MRPL40: variants seen among roughly 807,000 people sequenced by gnomAD.
The protein encoded by MRPL40 is mitochondrial ribosomal protein L40.
Under a neutral mutation model 24.5 loss-of-function variants are expected in MRPL40, and 18 were observed. That is an observed-to-expected ratio of 0.73 (90% CI 0.51 to 1.09). The LOEUF is 1.09. MRPL40 is among the 50% of genes least tolerant of loss of function. The pLI, the probability that MRPL40 is intolerant of heterozygous loss-of-function variation, is 0.00. For synonymous variants in MRPL40, 108 were observed against 94.6 expected (o/e 1.14, Z -0.82); for missense variants, 256 against 243.8 (o/e 1.05, Z -0.33).
intron 2 of MRPL40, among the ~76,000 whole-genome samples, chr22:19,433,903 C>T (rs1255303561): frequency 1.3e-5 from 2 of 152,026 alleles, no homozygotes; most frequent in Non-Finnish European, 2.9e-5. Context: ...GCTGGGATTA[C>T]AGGCGCCCAC....
Position 19,433,367 on chromosome 22 carries a change from C to T in MRPL40, c.137+19C>T. The T allele has an allele frequency of 1.3e-6, 2 of 1,487,086 alleles. No individual in the cohort carries two copies. Among genetic ancestry groups the T allele is most frequent in the Non-Finnish European group, 1.9e-6 (2 of 1,064,754 alleles). 92.1% of individuals were successfully genotyped at this position (1,487,086 alleles called of 1,614,324 possible). A position where few individuals can be genotyped will look rare whatever the true frequency, so the allele number is the denominator to read the frequency against. Reference sequence around the variant, plus strand: ...CCATGAGGTAAAACTCAATCGAGGGCCTGACCTCTGGGGGTAAAGGTGTCA... The same window carrying T: ...CCATGAGGTAAAACTCAATCGAGGGTCTGACCTCTGGGGGTAAAGGTGTCA... On this transcript the variant is annotated intron_variant, in intron 2 of 3. Transcript: ENST00000333130.
chr22:19,435,492 C>A, intron 3 of MRPL40, 146 bp from the exon 4 acceptor site: 1 of 755,394 alleles, frequency 1.3e-6, no homozygotes, highest in Non-Finnish European at 2.2e-6. Flanking sequence ...GCAGCTGCAG[C>A]CACATTCAAC....
In MRPL40 at chr22:19,432,567, G is replaced by C. The variant is rs199863614; in HGVS notation, c.13G>C (p.Val5Leu). The change falls in exon 1 of 4, where the codon GTG becomes CTG. Residue 5 changes from valine to leucine, a missense_variant. Coordinates refer to ENST00000333130, the MANE Select transcript of MRPL40 (RefSeq NM_003776.4). ...GGCGAGGGTAGCCATGACGGCCTCC[G>C]TGCTGCGAAGTATCTCGCTAGCCCT... MTAS[V>L]LRSISLALRP... The C allele has an allele frequency of 8.4e-5, 131 of 1,551,704 alleles. No individual in the cohort carries two copies. The African/African-American group carries it at 1.7e-3, about 20-fold the overall frequency.
rs776170591 is a variant in MRPL40 at position 19,435,960 on chromosome 22, T to C, written c.619T>C (p.Ter207GlnextTer12). ...KVYTQVEFKR* is the reference protein window; with the variant it reads ...KVYTQVEFKRQ ...GTACACACAAGTGGAGTTTAAGAGA[T>C]AGACTTGCAGGCTGCTATCCTTAAC... is the stretch of plus-strand genomic sequence containing the variant. Residue 207 changes from the stop codon to glutamine, a stop_lost, in exon 4 of 4, where the codon TAG (stop) becomes CAG (glutamine). Coordinates refer to ENST00000333130, the MANE Select transcript of MRPL40 (RefSeq NM_003776.4). The C allele has an allele frequency of 1.9e-6, 3 of 1,611,078 alleles. No individual in the cohort carries two copies. Among genetic ancestry groups the C allele is most frequent in the South Asian group, 1.1e-5 (1 of 90,854 alleles).
intron 2 of MRPL40, among the ~76,000 whole-genome samples, chr22:19,434,342 C>T (rs368034702): frequency 4.1e-4 from 62 of 150,842 alleles, no homozygotes; most frequent in African/African-American, 1.3e-3. Context: ...CCTGCCTCAG[C>T]TTCCCGAGAA....
intron 2 of MRPL40, among the ~76,000 whole-genome samples, chr22:19,433,919 C>T (rs971309818): frequency 3.3e-5 from 5 of 152,066 alleles, no homozygotes; most frequent in East Asian, 1.9e-4. Context: ...CCCACTACCA[C>T]GCCCGGCTAA....
chr22:19,433,767 TTTC>T (rs1398808529), intron 2 of MRPL40, among the ~76,000 whole-genome samples: 1 of 150,436 alleles, frequency 6.6e-6, no homozygotes, highest in Non-Finnish European at 1.5e-5. Context: ...GGATTTGATT[TTTC>T]TTTTTTTTTT....
At chr22:19,433,801 C>T (rs1190031379) in intron 2 of MRPL40, among the ~76,000 whole-genome samples, 1 of 151,890 alleles carries the variant, frequency 6.6e-6, no homozygotes, top group African/African-American at 2.4e-5. Flanking sequence ...CTCACTGTGT[C>T]ACCCAGGCTG....
chr22:19,434,643 T>C (rs1036724024), intron 2 of MRPL40, 93 bp from the exon 3 acceptor site: 5 of 1,014,188 alleles, frequency 4.9e-6, no homozygotes, highest in Admixed American at 5.7e-5. Context: ...CTTCCCCCAG[T>C]GGAGAGGTCA....
chr22:19,435,997 G>GGTCATTCCTACTCTCAGGGGC lies in MRPL40; in HGVS notation c.*35_*36insGTCATTCCTACTCTCAGGGGC. The GGTCATTCCTACTCTCAGGGGC allele has an allele frequency of 6.5e-7, 1 of 1,549,534 alleles. No individual in the cohort carries two copies. The highest frequency in any genetic ancestry group is 8.8e-7 in the Non-Finnish European group (1 of 1,130,866). ...CTGCTATCCTTAACATGCTGCCCCT[G>GGTCATTCCTACTCTCAGGGGC]AGAGTAGGAATGACCAGGGTTCAAG... On this transcript the variant is annotated 3_prime_UTR_variant, in exon 4 of 4. Coordinates refer to ENST00000333130, the MANE Select transcript of MRPL40 (RefSeq NM_003776.4).
chr22:19,434,985 T>C, intron 3 of MRPL40, 91 bp downstream of exon 3: 1 of 1,168,976 alleles, frequency 8.6e-7, no homozygotes, highest in Non-Finnish European at 1.2e-6. Context: ...CCTGTGATAG[T>C]CATTGGTCAG....
At position 19,434,284 on chromosome 22, in the gene MRPL40, G is replaced by A. The variant is rs181476299; in HGVS notation, c.138-452G>A. ...GTTACCCAAGCTGGAGTGCAGTGGC[G>A]CGATCTTGTCCTACTGCAACCTCCG... On this transcript the variant is annotated intron_variant, in intron 2 of 3. Transcript: ENST00000333130. Among the ~76,000 whole-genome samples, 34 of 143,366 alleles carry A rather than the reference G, an allele frequency of 2.4e-4. No homozygotes were observed. The East Asian group carries it at 5.1e-3, about 21-fold the overall frequency. 94.1% of individuals were successfully genotyped at this position (143,366 alleles called of 152,430 possible).
At position 19,433,292 on chromosome 22, in the gene MRPL40, TAG is replaced by T; in HGVS notation, c.87_88del (p.Glu29AspfsTer30). ...GLLGTWQTQL[R>X]ETHQRASLLS... Reference sequence around the variant, plus strand: ...TTCTGGGAACTTGGCAGACGCAGCTTAGAGAGACTCACCAGCGAGCGTCATTG... The same window carrying T: ...TTCTGGGAACTTGGCAGACGCAGCTTAGAGACTCACCAGCGAGCGTCATTG... On this transcript the variant is annotated frameshift_variant, in exon 2 of 4. Transcript: ENST00000333130. LOFTEE classifies it high-confidence loss of function. 1.9e-6 allele frequency: 3 copies of T among 1,612,982 alleles called. No individual in the cohort carries two copies. The highest frequency in any genetic ancestry group is 2.5e-6 in the Non-Finnish European group (3 of 1,179,072).
At chr22:19,435,417 C>T (rs2078051188) in intron 3 of MRPL40, among the ~76,000 whole-genome samples, 1 of 152,208 alleles carries the variant, frequency 6.6e-6, no homozygotes, top group South Asian at 2.1e-4. Flanking sequence ...GGAAGTGCTA[C>T]CAGTCTCCTC....
rs540673413 is a variant in MRPL40 at position 19,432,880 on chromosome 22, T to A, written c.53+273T>A. Reference sequence around the variant, plus strand: ...ATCAAGTAGTTAGAAGTGCCCCGGGTTTGGGAGCATTGCAATTTTTTATTT... The same window carrying A: ...ATCAAGTAGTTAGAAGTGCCCCGGGATTGGGAGCATTGCAATTTTTTATTT... On this transcript the variant is annotated intron_variant, in intron 1 of 3. Transcript: ENST00000333130. The A allele has an allele frequency of 3.0e-5, 39 of 1,315,528 alleles. No individual in the cohort carries two copies. The East Asian group carries it at 1.2e-3, about 39-fold the overall frequency. The allele number at this position is 1,315,528 out of a possible 1,614,324, so 81.5% of individuals were successfully genotyped here.
rs184185283 is a variant in MRPL40, at chr22:19,432,816, A to C, written c.53+209A>C. 6 of 1,357,938 alleles carry C rather than the reference A, an allele frequency of 4.4e-6. No individual in the cohort carries two copies. In the Admixed American group the frequency reaches 2.2e-4, roughly 49 times the overall value. 84.1% of individuals were successfully genotyped at this position (1,357,938 alleles called of 1,614,324 possible). Reference sequence around the variant, plus strand: ...CTTAAGTCCTCTGTGGTCTGAACGAAAGATTTTGAAAAACCTTCCACGTTG... The same window carrying C: ...CTTAAGTCCTCTGTGGTCTGAACGACAGATTTTGAAAAACCTTCCACGTTG... On this transcript the variant is annotated intron_variant, in intron 1 of 3. Coordinates refer to ENST00000333130, the MANE Select transcript of MRPL40 (RefSeq NM_003776.4).
At chr22:19,435,598 T>TA (rs780941380) in intron 3 of MRPL40, 40 bp from the exon 4 acceptor site, 6 of 1,565,828 alleles carry the variant, frequency 3.8e-6, no homozygotes. Flanking sequence ...GTCACAGACT[T>TA]ACATGCCAGT....
chr22:19,433,855 T>C (rs999381124), intron 2 of MRPL40, among the ~76,000 whole-genome samples: 14 of 151,988 alleles, frequency 9.2e-5, no homozygotes, highest in African/African-American at 2.9e-4. Context: ...CTTCGCCTCC[T>C]GGGTTAAACT....
At chr22:19,435,017 CTAA>C in intron 3 of MRPL40, 123 bp downstream of exon 3, 1 of 804,564 alleles carries the variant, frequency 1.2e-6, no homozygotes, top group South Asian at 1.8e-5. Context: ...TGACTTGGCC[CTAA>C]TGAGTCCTTG....
Sources: allele counts gnomAD v4.1 joint callset (sites outside exome capture counted in the v4.1 genomes callset), GRCh38; gene constraint gnomAD v4.1.1; transcripts MANE v1.5; gene names NCBI Gene and HGNC (gene_info 2026-07-23, HGNC 2026-07-21).